The following CR1L variants were observed in gnomAD, a reference collection of about 807,000 sequenced individuals.
The protein encoded by CR1L is complement component receptor 1-like protein.
In CR1L, 59 loss-of-function variants were observed where a neutral mutation model predicts 62.3. That is an observed-to-expected ratio of 0.95 (90% CI 0.77 to 1.18). CR1L has a LOEUF of 1.18. Ranked by LOEUF, CR1L falls within the 50% of genes most tolerant of loss-of-function variation. The pLI is 0.00. For synonymous variants in CR1L, 279 were observed against 248.7 expected (o/e 1.12, Z -1.15); for missense variants, 700 against 702.8 (o/e 1.00, Z 0.04).
At chr1:207,714,853 G>A (rs1246401597) in intron 10 of CR1L, among the ~76,000 whole-genome samples, 1 of 152,138 alleles carries the variant, frequency 6.6e-6, no homozygotes, top group African/African-American at 2.4e-5. Context: ...TACATTTGGA[G>A]TGGCGAGAAG....
In CR1L at chr1:207,717,471, T is replaced by C. The variant is rs1458563521; in HGVS notation, c.1422T>C (p.Phe474=). Residue 474 remains phenylalanine, a synonymous_variant, in exon 11 of 12, where the codon TTT becomes TTC. Coordinates refer to ENST00000508064, the MANE Select transcript of CR1L (RefSeq NM_175710.2). ...CTCTTGTTTTCTTTCTAGAAATCTT[T>C]TGTCCAAATCCTCCAGCTATCCTTA... ...SMKPPICQQI[F]CPNPPAILNG... 2 of 1,612,920 alleles carry C rather than the reference T, an allele frequency of 1.2e-6. No individual in the cohort carries two copies. Among genetic ancestry groups the C allele is most frequent in the African/African-American group, 1.3e-5 (1 of 74,864 alleles).
intron 8 of CR1L, among the ~76,000 whole-genome samples, chr1:207,699,922 G>A (rs1664165778): frequency 6.6e-6 from 1 of 152,110 alleles, no homozygotes; most frequent in Non-Finnish European, 1.5e-5. Flanking sequence ...GAAGAATGAG[G>A]GAAAAGTGGG....
chr1:207,694,833 G>T, intron 5 of CR1L, 82 bp downstream of exon 5: 1 of 1,604,242 alleles, frequency 6.2e-7, no homozygotes, highest in South Asian at 1.1e-5. Flanking sequence ...TGTTCAGGGG[G>T]AGGGATTTGT....
chr1:207,699,911 T>C (rs908559084), intron 8 of CR1L, among the ~76,000 whole-genome samples: 3 of 152,072 alleles, frequency 2.0e-5, no homozygotes, highest in African/African-American at 7.2e-5. Flanking sequence ...ATCAAAGCAA[T>C]GAAGAATGAG....
intron 1 of CR1L, among the ~76,000 whole-genome samples, chr1:207,658,055 CG>C (rs1663345645): frequency 6.6e-6 from 1 of 151,874 alleles, no homozygotes; most frequent in African/African-American, 2.4e-5. Flanking sequence ...AGTAGTCAGC[CG>C]GGAAATTAGA....
intron 1 of CR1L, among the ~76,000 whole-genome samples, chr1:207,673,423 T>G (rs1244065031): frequency 1.3e-5 from 2 of 152,250 alleles, no homozygotes; most frequent in African/African-American, 2.4e-5. Flanking sequence ...AGTCTGTTCC[T>G]TAAAGGGTAA....
Position 207,653,439 on chromosome 1 carries a change from A to G in CR1L, c.97+8109A>G, listed in dbSNP as rs1663259886. On this transcript the variant is annotated intron_variant, in intron 1 of 11. Transcript: ENST00000508064. Reference sequence around the variant, plus strand: ...TGTTGAAAGCATTAAGAGTGTAGTAATCATGAGAATTCATCCTTCACAACT... The same window carrying G: ...TGTTGAAAGCATTAAGAGTGTAGTAGTCATGAGAATTCATCCTTCACAACT... Among the ~76,000 whole-genome samples, 2 of 152,234 alleles carry G rather than the reference A, an allele frequency of 1.3e-5. 1 individual carries two copies. Among genetic ancestry groups the G allele is most frequent in the Admixed American group, 1.3e-4 (2 of 15,278 alleles).
At chr1:207,652,783 T>C in intron 1 of CR1L, 2 of 696,004 alleles carry the variant, frequency 2.9e-6, no homozygotes, top group South Asian at 1.5e-5. Context: ...CTCTAGAGAT[T>C]TGCACACATT....
chr1:207,697,975 G>GACAC (rs368602585), intron 7 of CR1L, 102 bp downstream of exon 7: 1,019 of 1,268,022 alleles, frequency 8.0e-4, no homozygotes, highest in South Asian at 1.5e-3. Context: ...CAGACAGACA[G>GACAC]ACACACACAC....
chr1:207,706,013 GTATA>G (rs139294447), intron 9 of CR1L, among the ~76,000 whole-genome samples: 11,323 of 133,442 alleles, frequency 0.085, 656 homozygotes, highest in East Asian at 0.27. Context: ...GTGTGTGTAT[GTATA>G]TATATATATA....
intron 4 of CR1L, among the ~76,000 whole-genome samples, chr1:207,686,003 C>G (rs1354223596): frequency 1.3e-5 from 2 of 150,742 alleles, no homozygotes; most frequent in Non-Finnish European, 3.0e-5. Context: ...AACTCTTTGT[C>G]TTCTTTTCTT....
intron 5 of CR1L, among the ~76,000 whole-genome samples, 151 bp downstream of exon 5, chr1:207,694,902 G>A (rs1475615353): frequency 2.6e-5 from 4 of 152,212 alleles, no homozygotes; most frequent in South Asian, 2.1e-4. Flanking sequence ...CAGAAGGTGT[G>A]TGTACATGCA....
At chr1:207,699,363 A>G in intron 8 of CR1L, 89 bp downstream of exon 8, 1 of 1,472,904 alleles carries the variant, frequency 6.8e-7, no homozygotes, top group Non-Finnish European at 9.3e-7. Flanking sequence ...TGGTTCTTCA[A>G]TTTTCTAATC....
chr1:207,715,167 A>G (rs1474937549), intron 10 of CR1L: 1 of 519,344 alleles, frequency 1.9e-6, no homozygotes, highest in East Asian at 4.8e-5. Context: ...TAATGAACTA[A>G]GACTTTTAGC....
At chr1:207,701,143 ACT>A (rs1214585098) in intron 8 of CR1L, among the ~76,000 whole-genome samples, 2 of 152,260 alleles carry the variant, frequency 1.3e-5, no homozygotes, top group Admixed American at 6.5e-5. Context: ...ATAATAAATG[ACT>A]CTATATCAGG....
intron 1 of CR1L, among the ~76,000 whole-genome samples, chr1:207,650,905 C>A (rs1663213097): frequency 6.6e-6 from 1 of 152,044 alleles, no homozygotes; most frequent in Non-Finnish European, 1.5e-5. Flanking sequence ...TCTGCCTCAG[C>A]CTCCCGAGTA....
chr1:207,653,515 C>G (rs1000343560), intron 1 of CR1L, among the ~76,000 whole-genome samples: 1 of 152,162 alleles, frequency 6.6e-6, no homozygotes, highest in Non-Finnish European at 1.5e-5. Context: ...GTAGGGCTCA[C>G]AGAAATGAGA....
At position 207,694,530 on chromosome 1, in the gene CR1L, T is replaced by C; in HGVS notation, c.641T>C (p.Val214Ala). Residue 214 changes from valine to alanine, a missense_variant, in exon 5 of 12, where the codon GTG becomes GCG. Val to Ala is a moderately conservative substitution (Grantham distance 64). Coordinates refer to ENST00000508064, the MANE Select transcript of CR1L (RefSeq NM_175710.2). ...TACTGCACCAGCAAAGATGATCAAG[T>C]GGGCATCTGGAGTGGCCCAGCCCCT... ...SIYCTSKDDQVGIWSGPAPQC... is the reference protein window; with the variant it reads ...SIYCTSKDDQAGIWSGPAPQC... 6.2e-7 allele frequency: 1 copy of C among 1,613,178 alleles called. No homozygotes were observed.
chr1:207,671,748 C>A (rs1249003245), intron 1 of CR1L, among the ~76,000 whole-genome samples: 1 of 150,448 alleles, frequency 6.6e-6, no homozygotes, highest in South Asian at 2.1e-4. Context: ...ATGGTGAATA[C>A]CCATTTCTAC....
Sources: gnomAD v4.1 joint callset for allele counts (sites outside exome capture counted in the v4.1 genomes callset) on GRCh38, gnomAD v4.1.1 for gene constraint, MANE v1.5 for transcripts, NCBI Gene and HGNC (gene_info 2026-07-23, HGNC 2026-07-21) for gene names.